Variants in RNF213 observed in about 807,000 individuals in gnomAD.
RNF213 encodes E3 ubiquitin-protein ligase RNF213.
A neutral mutation model predicts 514.4 loss-of-function variants in RNF213; 341 were observed. The ratio of observed to expected loss-of-function variants is 0.66; its 90% CI spans 0.61 to 0.73. The LOEUF (loss-of-function observed/expected upper bound fraction) is 0.73, where lower values mean the gene tolerates loss of function less well. Among genes scored for constraint, RNF213 ranks in the 30% least tolerant of loss-of-function variants. RNF213 has a pLI of 0.00. For missense variants in RNF213, 5,767 were observed against 6,615.6 expected (o/e 0.87, Z 4.45); for synonymous variants, 2,655 against 2,658.2 (o/e 1.00, Z 0.04).
chr17:80,392,909 G>A (rs1367028608), intron 67 of RNF213, among the ~76,000 whole-genome samples: 3 of 151,902 alleles, frequency 2.0e-5, no homozygotes, highest in South Asian at 2.1e-4. Flanking sequence ...AAGTCTTAAC[G>A]AGCATTTTGG....
At chr17:80,339,069 T>TCG in intron 25 of RNF213, 132 bp from the exon 26 acceptor site, 3 of 645,446 alleles carry the variant, frequency 4.6e-6, no homozygotes, top group South Asian at 5.1e-5. Flanking sequence ...AGGGAGGCCT[T>TCG]GTGAGCGCAG....
At chr17:80,335,931 C>T (rs992868978) in intron 22 of RNF213, among the ~76,000 whole-genome samples, 3 of 147,328 alleles carry the variant, frequency 2.0e-5, no homozygotes, top group African/African-American at 5.1e-5. Context: ...GAGCCGAGAT[C>T]ATGTCACTTC....
At chr17:80,304,869 C>G (rs1160758708) in intron 11 of RNF213, among the ~76,000 whole-genome samples, 1 of 152,126 alleles carries the variant, frequency 6.6e-6, no homozygotes, top group Non-Finnish European at 1.5e-5. Flanking sequence ...AACACGACCT[C>G]CACACTCCCC....
At chr17:80,351,632 T>C (rs1599090339) in intron 31 of RNF213, 53 bp from the exon 32 acceptor site, 3 of 978,874 alleles carry the variant, frequency 3.1e-6, no homozygotes, top group East Asian at 2.5e-5. Context: ...TTGCTTGTTT[T>C]TGTGTGTGTG....
intron 8 of RNF213, among the ~76,000 whole-genome samples, chr17:80,292,942 G>A (rs1471026667): frequency 6.6e-6 from 1 of 152,142 alleles, no homozygotes; most frequent in East Asian, 1.9e-4. Flanking sequence ...TTGTTCATGT[G>A]TTGTTTTAGG....
At chr17:80,281,503 A>ACCCC (rs2044283626) in intron 3 of RNF213, among the ~76,000 whole-genome samples, 1 of 103,064 alleles carries the variant, frequency 9.7e-6, no homozygotes, top group Non-Finnish European at 1.9e-5. Context: ...CACCCCACTC[A>ACCCC]CACACACACC....
intron 2 of RNF213, among the ~76,000 whole-genome samples, chr17:80,270,448 T>G (rs1052696333): frequency 5.9e-5 from 9 of 152,212 alleles, no homozygotes; most frequent in Non-Finnish European, 1.2e-4. Flanking sequence ...GCACAAAGCT[T>G]CTCTGGCCAC....
At chr17:80,281,020 A>G (rs1385582895) in intron 3 of RNF213, among the ~76,000 whole-genome samples, 1 of 151,564 alleles carries the variant, frequency 6.6e-6, no homozygotes, top group Non-Finnish European at 1.5e-5. Flanking sequence ...TGTCTAGACC[A>G]TGGGCTCAGC....
intron 14 of RNF213, among the ~76,000 whole-genome samples, chr17:80,310,516 G>C (rs1018353713): frequency 4.0e-5 from 6 of 151,748 alleles, no homozygotes; most frequent in African/African-American, 1.5e-4. Context: ...GCCTCCCAGA[G>C]TGCTGGGATT....
chr17:80,374,465 G>A lies in RNF213; in HGVS notation c.12950G>A (p.Arg4317Gln), dbSNP rs61743307. ...PKDVVKQQGL[R>Q]QDHPGQMDRY... ...CTAACCTCTGTATTCCAGGGGCTGC[G>A]GCAGGACCACCCAGGCCAGATGGAT... is the stretch of plus-strand genomic sequence containing the variant. The change falls in exon 50 of 68, where the codon CGG (arginine) becomes CAG (glutamine). Residue 4317 changes from arginine (R) to glutamine (Q), a missense_variant. Arg to Gln is a conservative substitution (Grantham distance 43). Coordinates refer to ENST00000582970, the MANE Select transcript of RNF213 (RefSeq NM_001256071.3). The A allele has an allele frequency of 1.7e-4, 267 of 1,614,144 alleles. 1 individual carries two copies. In the African/African-American group the frequency reaches 2.4e-3, roughly 15 times the overall value.
chr17:80,307,045 A>G (rs1164762692), intron 12 of RNF213, 83 bp from the exon 13 acceptor site: 6 of 1,404,950 alleles, frequency 4.3e-6, no homozygotes, highest in Non-Finnish European at 6.1e-6. Flanking sequence ...TTGATGTTGG[A>G]TTTTTTTCAG....
At position 80,353,324 on chromosome 17, in the gene RNF213, G is replaced by A; in HGVS notation, c.10424-188G>A. ...CCTAGAACACGCCAGAGCCCAGGCT[G>A]GAAGGAAGGGGCTGCCTTGGGGGCT... is the stretch of plus-strand genomic sequence containing the variant. On this transcript the variant is annotated intron_variant, in intron 33 of 67. Transcript: ENST00000582970. This position sits in a 1 kb window ranked among gnomAD's most constrained non-coding sequence, Gnocchi z 5.0. 2 of 806,838 alleles carry A rather than the reference G, an allele frequency of 2.5e-6. No homozygotes were observed. Among genetic ancestry groups the A allele is most frequent in the Admixed American group, 2.1e-5 (1 of 47,600 alleles). 50.0% of individuals were successfully genotyped at this position (806,838 alleles called of 1,614,324 possible). A position where few individuals can be genotyped will look rare whatever the true frequency, so the allele number is the denominator to read the frequency against.
chr17:80,298,067 C>T (rs1440993897), intron 10 of RNF213, among the ~76,000 whole-genome samples: 1 of 152,204 alleles, frequency 6.6e-6, no homozygotes, highest in Non-Finnish European at 1.5e-5. Flanking sequence ...AGCCAGGACC[C>T]CTGCTTCTGA....
intron 36 of RNF213, among the ~76,000 whole-genome samples, chr17:80,357,061 G>GGC: frequency 6.6e-6 from 1 of 151,948 alleles, no homozygotes; most frequent in Non-Finnish European, 1.5e-5. Flanking sequence ...TGGGATTACA[G>GGC]GTGCCTGCCA....
Position 80,393,692 on chromosome 17 carries a change from A to C in RNF213, c.*194A>C. 1 of 582,182 alleles carries C rather than the reference A, an allele frequency of 1.7e-6. No individual in the cohort carries two copies. Among genetic ancestry groups the C allele is most frequent in the Non-Finnish European group, 3.1e-6 (1 of 326,366 alleles). The allele number at this position is 582,182 out of a possible 1,614,324, so 36.1% of individuals were successfully genotyped here. A position where few individuals can be genotyped will look rare whatever the true frequency, so the allele number is the denominator to read the frequency against. On this transcript the variant is annotated 3_prime_UTR_variant, in exon 68 of 68. Coordinates refer to ENST00000582970, the MANE Select transcript of RNF213 (RefSeq NM_001256071.3). ...AAGCCGAGCTGTTTCTGAACCATGT[A>C]CATACATGTTCTGAAACTTTCTCAT... is the stretch of plus-strand genomic sequence containing the variant.
chr17:80,320,582 G>A (rs182563019), intron 17 of RNF213: 34 of 152,264 alleles, frequency 2.2e-4, no homozygotes, highest in African/African-American at 6.7e-4. Flanking sequence ...AAGAGACAGG[G>A]TTTCTCCATG....
chr17:80,273,434 C>A (rs1188812418), intron 3 of RNF213, 30 bp downstream of exon 3: 1 of 1,609,676 alleles, frequency 6.2e-7, no homozygotes, highest in Non-Finnish European at 8.5e-7. Context: ...TCCCCTCCGC[C>A]CCCGCTCACT....
chr17:80,376,799 T>G (rs1307646619), intron 52 of RNF213, 83 bp from the exon 53 acceptor site: 2 of 1,271,842 alleles, frequency 1.6e-6, no homozygotes, highest in Non-Finnish European at 2.3e-6. Flanking sequence ...GTTCCCTTTC[T>G]TCCTCTAGGC....
At chr17:80,376,093 A>G (rs2079745598) in intron 51 of RNF213, among the ~76,000 whole-genome samples, 1 of 152,230 alleles carries the variant, frequency 6.6e-6, no homozygotes, top group South Asian at 2.1e-4. Flanking sequence ...TGTTTAACAG[A>G]ATAGAATATC....
Sources: gnomAD v4.1 joint callset for allele counts (sites outside exome capture counted in the v4.1 genomes callset) on GRCh38, gnomAD v4.1.1 for gene constraint, Gnocchi (gnomAD v3.1) non-coding constraint, MANE v1.5 for transcripts, NCBI Gene and HGNC (gene_info 2026-07-23, HGNC 2026-07-21) for gene names.